Variants in EYS observed in about 807,000 individuals in gnomAD.
EYS encodes the protein EGF-like photoreceptor maintenance factor.
EYS carries 250 observed loss-of-function variants against 282.1 expected under a neutral mutation model. The observed-to-expected ratio is 0.89, with a 90% CI of 0.80 to 0.98. The LOEUF (loss-of-function observed/expected upper bound fraction) is 0.98. EYS is among the 50% of genes least tolerant of loss of function. The pLI is 0.00. For missense variants in EYS, 4,016 were observed against 3,709.0 expected (o/e 1.08, Z -2.15); for synonymous variants, 1,355 against 1,282.9 (o/e 1.06, Z -1.20).
At chr6:65,066,128 T>C (rs377328376) in intron 12 of EYS, among the ~76,000 whole-genome samples, 1 of 152,210 alleles carries the variant, frequency 6.6e-6, no homozygotes, top group Non-Finnish European at 1.5e-5. Context: ...CCAAGCCTTT[T>C]CATTCTGGAT....
chr6:63,940,154 A>G (rs916670023), intron 35 of EYS, among the ~76,000 whole-genome samples: 1 of 152,194 alleles, frequency 6.6e-6, no homozygotes, highest in Non-Finnish European at 1.5e-5. Flanking sequence ...TATGGGACCC[A>G]TATGAAGTGC....
At chr6:65,122,357 A>G (rs1775580925) in intron 12 of EYS, among the ~76,000 whole-genome samples, 1 of 152,136 alleles carries the variant, frequency 6.6e-6, no homozygotes, top group Non-Finnish European at 1.5e-5. Context: ...AATAATGTTT[A>G]TAATTCAGAC....
rs769865113 is a variant in EYS, at chr6:65,005,146, C to T, written c.2138-7443G>A. Among the ~76,000 whole-genome samples the T allele has an allele frequency of 2.0e-5, 3 of 147,876 alleles. 1 individual carries two copies. The highest frequency in any genetic ancestry group is 4.5e-5 in the Non-Finnish European group (3 of 66,016). On this transcript the variant is annotated intron_variant, in intron 13 of 42. Transcript: ENST00000503581. ...GCTGTTTGCCACTGTTGCAGACCAG[C>T]TGCTGACTTCCATCCCTTGAGATCT... is the stretch of plus-strand genomic sequence containing the variant.
At chr6:64,839,878 C>A (rs1765509710) in intron 19 of EYS, among the ~76,000 whole-genome samples, 1 of 151,968 alleles carries the variant, frequency 6.6e-6, no homozygotes, top group Non-Finnish European at 1.5e-5. Context: ...GAGGGAAGAG[C>A]CCTCATGATT....
intron 22 of EYS, among the ~76,000 whole-genome samples, chr6:64,651,222 T>C (rs945709181): frequency 6.6e-6 from 1 of 152,170 alleles, no homozygotes; most frequent in African/African-American, 2.4e-5. Flanking sequence ...CTCTGTTAAT[T>C]GTAATTACTC....
chr6:65,557,955 G>A (rs1019038555), intron 2 of EYS, among the ~76,000 whole-genome samples: 10 of 152,018 alleles, frequency 6.6e-5, no homozygotes, highest in Non-Finnish European at 1.2e-4. Context: ...GCTCACAAGC[G>A]AGGAAATCCA....
chr6:63,972,548 T>A (rs995454978), intron 35 of EYS, among the ~76,000 whole-genome samples: 4 of 152,310 alleles, frequency 2.6e-5, no homozygotes, highest in South Asian at 2.1e-4. Context: ...AATCTTTTTT[T>A]TTATTATTAT....
chr6:64,531,351 T>A (rs932381802), intron 26 of EYS, among the ~76,000 whole-genome samples: 3 of 150,992 alleles, frequency 2.0e-5, no homozygotes, highest in Admixed American at 1.3e-4. Flanking sequence ...TATATTGTGT[T>A]ATGTATTAAT....
At chr6:64,233,967 A>G (rs1275405126) in intron 30 of EYS, among the ~76,000 whole-genome samples, 2 of 152,324 alleles carry the variant, frequency 1.3e-5, no homozygotes, top group Non-Finnish European at 2.9e-5. Context: ...TGACTTTACC[A>G]CTGCTCAACA....
At chr6:65,283,194 T>C (rs188139726) in intron 12 of EYS, among the ~76,000 whole-genome samples, 62 of 152,150 alleles carry the variant, frequency 4.1e-4, no homozygotes, top group African/African-American at 1.3e-3. Context: ...ATATTTTTCC[T>C]ATCAGAACTC....
At chr6:64,225,072 C>A (rs1766216569) in intron 31 of EYS, among the ~76,000 whole-genome samples, 1 of 152,074 alleles carries the variant, frequency 6.6e-6, no homozygotes, top group African/African-American at 2.4e-5. Context: ...ATGTCCAGTG[C>A]TGGGGGCGGA....
At chr6:64,704,019 A>G (rs1421820568) in intron 22 of EYS, among the ~76,000 whole-genome samples, 2 of 152,054 alleles carry the variant, frequency 1.3e-5, no homozygotes, top group Admixed American at 1.3e-4. Flanking sequence ...TTGACTAAAC[A>G]GTTCTACATC....
chr6:64,679,648 T>C (rs1769827840), intron 22 of EYS, among the ~76,000 whole-genome samples: 1 of 152,204 alleles, frequency 6.6e-6, no homozygotes, highest in Non-Finnish European at 1.5e-5. Flanking sequence ...CACACCCAAC[T>C]GCAGTGTGTG....
In EYS at chr6:64,719,823, C is replaced by T. The variant is rs1771515290; in HGVS notation, c.3443+93555G>A. 2.0e-5 allele frequency among the ~76,000 whole-genome samples: 3 copies of T among 152,114 alleles called. No individual in the cohort carries two copies. The South Asian group carries it at 6.2e-4, about 31-fold the overall frequency. The stretch of plus-strand genomic sequence containing the variant: ...GGCTGAGGCAAGAGAATTTCTTGAA[C>T]CTGGGAGGTGGAGGCTGCAGTGAGC... On this transcript the variant is annotated intron_variant, in intron 22 of 42. Transcript: ENST00000503581.
Position 64,407,720 on chromosome 6 carries a change from A to G in EYS, c.5928-18880T>C, listed in dbSNP as rs147406825. Among the ~76,000 whole-genome samples, 11 of 152,302 alleles carry G rather than the reference A, an allele frequency of 7.2e-5. No homozygotes were observed. The East Asian group carries it at 1.4e-3, about 19-fold the overall frequency. ...TATATATGTACATATATGTGTATGT[A>G]TGCACACATTATTATCATTATTATT... On this transcript the variant is annotated intron_variant, in intron 28 of 42. Transcript: ENST00000503581.
intron 29 of EYS, among the ~76,000 whole-genome samples, chr6:64,361,822 G>C (rs1772019715): frequency 6.6e-6 from 1 of 151,592 alleles, no homozygotes; most frequent in African/African-American, 2.4e-5. Context: ...TCTTGATTAA[G>C]GCAATTATTA....
intron 31 of EYS, among the ~76,000 whole-genome samples, chr6:64,158,123 A>G (rs982896787): frequency 1.3e-5 from 2 of 152,240 alleles, no homozygotes; most frequent in East Asian, 1.9e-4. Flanking sequence ...ACCTGAAATC[A>G]AAGGAGATCA....
intron 33 of EYS, among the ~76,000 whole-genome samples, chr6:64,002,387 C>T (rs1050578816): frequency 6.6e-5 from 10 of 152,358 alleles, no homozygotes; most frequent in African/African-American, 2.4e-4. Flanking sequence ...GGCTGTCACA[C>T]TGGCCCCCTG....
At chr6:65,031,192 T>C (rs1430700977) in intron 13 of EYS, among the ~76,000 whole-genome samples, 2 of 138,238 alleles carry the variant, frequency 1.4e-5, no homozygotes, top group Non-Finnish European at 3.1e-5. Flanking sequence ...CACACACACA[T>C]ATACACACAC....
Sources: allele counts gnomAD v4.1 joint callset (sites outside exome capture counted in the v4.1 genomes callset), GRCh38; gene constraint gnomAD v4.1.1; transcripts MANE v1.5; gene names NCBI Gene and HGNC (gene_info 2026-07-23, HGNC 2026-07-21).